Variants in PAQR5 observed in about 807,000 individuals in gnomAD.
The protein encoded by PAQR5 is membrane progestin receptor gamma.
In PAQR5, 20 loss-of-function variants were observed where a neutral mutation model predicts 34.5. The observed-to-expected ratio is 0.58, with a 90% CI of 0.41 to 0.84. The LOEUF is 0.84. Among genes scored for constraint, PAQR5 ranks in the 40% least tolerant of loss-of-function variants. PAQR5 has a pLI of 0.00. For missense variants in PAQR5, 378 were observed against 412.7 expected (o/e 0.92, Z 0.73); for synonymous variants, 131 against 155.6 (o/e 0.84, Z 1.18).
chr15:69,347,892 A>AT (rs1225803797), intron 2 of PAQR5, among the ~76,000 whole-genome samples: 8 of 152,194 alleles, frequency 5.3e-5, no homozygotes, highest in Non-Finnish European at 1.2e-4. Flanking sequence ...ATACCATAAC[A>AT]TTGGGAATTA....
At chr15:69,367,074 G>A (rs2055422994) in intron 3 of PAQR5, among the ~76,000 whole-genome samples, 1 of 152,032 alleles carries the variant, frequency 6.6e-6, no homozygotes, top group South Asian at 2.1e-4. Flanking sequence ...TTTTAGCTGT[G>A]TCTTGTGTAA....
intron 2 of PAQR5, among the ~76,000 whole-genome samples, chr15:69,353,717 G>C (rs779848108): frequency 3.9e-5 from 6 of 152,164 alleles, no homozygotes; most frequent in African/African-American, 1.4e-4. Flanking sequence ...GAGGTGGGGG[G>C]CACCACTCAC....
intron 4 of PAQR5, among the ~76,000 whole-genome samples, chr15:69,382,643 C>CA (rs142759309): frequency 4.0e-5 from 3 of 74,720 alleles, no homozygotes; most frequent in South Asian, 9.1e-4. Context: ...GACTCTGTCT[C>CA]AAAAAAAAAA....
chr15:69,316,782 G>T (rs1172505303), intron 1 of PAQR5, among the ~76,000 whole-genome samples: 2 of 152,128 alleles, frequency 1.3e-5, no homozygotes, highest in African/African-American at 4.8e-5. Flanking sequence ...AAGAGATGCT[G>T]TGAAAATTAA....
At chr15:69,399,138 C>G (rs1215778479) in intron 7 of PAQR5, among the ~76,000 whole-genome samples, 2 of 152,178 alleles carry the variant, frequency 1.3e-5, no homozygotes, top group African/African-American at 4.8e-5. Flanking sequence ...ATCATTGATA[C>G]TTTTGGATGA....
At chr15:69,387,951 C>T (rs886089704) in intron 5 of PAQR5, among the ~76,000 whole-genome samples, 1 of 152,044 alleles carries the variant, frequency 6.6e-6, no homozygotes, top group African/African-American at 2.4e-5. Context: ...GCCAGCCATG[C>T]TGGCACACCT....
chr15:69,315,382 C>A (rs561941478), intron 1 of PAQR5, among the ~76,000 whole-genome samples: 22 of 152,210 alleles, frequency 1.4e-4, no homozygotes, highest in African/African-American at 5.3e-4. Context: ...AGTGAATCCC[C>A]ACAGCACCTC....
rs1185020931 is a variant in PAQR5 at position 69,400,447 on chromosome 15, A to G, written c.751+332A>G. ...GGTGGCTCACACATGTAATCCCAGCACGTTGGGAGGCCAAGGTGGGCAGAT... is the reference window on the plus strand; with the variant it reads ...GGTGGCTCACACATGTAATCCCAGCGCGTTGGGAGGCCAAGGTGGGCAGAT... On this transcript the variant is annotated intron_variant, in intron 8 of 8. Coordinates refer to ENST00000395407, the MANE Select transcript of PAQR5 (RefSeq NM_017705.4). 2.0e-5 allele frequency among the ~76,000 whole-genome samples: 3 copies of G among 152,314 alleles called. No individual in the cohort carries two copies. In the East Asian group the frequency reaches 5.8e-4, roughly 29 times the overall value.
At chr15:69,354,597 G>A (rs1567016603) in intron 2 of PAQR5, among the ~76,000 whole-genome samples, 2 of 152,130 alleles carry the variant, frequency 1.3e-5, no homozygotes, top group Non-Finnish European at 2.9e-5. Context: ...GTTTTTATTT[G>A]GAGATTAAAT....
chr15:69,383,815 G>C (rs113822370), intron 4 of PAQR5, among the ~76,000 whole-genome samples: 3 of 29,940 alleles, frequency 1.0e-4, no homozygotes, highest in African/African-American at 5.3e-4. Context: ...GGGTGAGTGG[G>C]CCTTTGTGTT....
At chr15:69,332,931 G>A (rs12905214) in intron 1 of PAQR5, among the ~76,000 whole-genome samples, 15,551 of 151,928 alleles carry the variant, frequency 0.1, 918 homozygotes, top group South Asian at 0.16. Context: ...AATACTGGTC[G>A]CTTAGTGTTA....
intron 2 of PAQR5, among the ~76,000 whole-genome samples, chr15:69,348,934 G>A (rs1299327553): frequency 2.0e-5 from 3 of 152,156 alleles, no homozygotes; most frequent in Non-Finnish European, 4.4e-5. Context: ...ATTCTTTCTG[G>A]AATTTTCTAT....
At chr15:69,327,452 TC>T (rs2054281272) in intron 1 of PAQR5, among the ~76,000 whole-genome samples, 1 of 152,180 alleles carries the variant, frequency 6.6e-6, no homozygotes, top group East Asian at 1.9e-4. Context: ...CACATGGTCA[TC>T]CTTTCATTTG....
chr15:69,385,030 T>C lies in PAQR5; in HGVS notation c.385+148T>C. 1.6e-6 allele frequency: 1 copy of C among 633,656 alleles called. No individual in the cohort carries two copies. Among genetic ancestry groups the C allele is most frequent in the Non-Finnish European group, 2.8e-6 (1 of 357,284 alleles). 39.3% of individuals were successfully genotyped at this position (633,656 alleles called of 1,614,324 possible). On this transcript the variant is annotated intron_variant, in intron 5 of 8. Coordinates refer to ENST00000395407, the MANE Select transcript of PAQR5 (RefSeq NM_017705.4). The surrounding 1 kb of genome is among the most constrained non-coding windows in gnomAD (Gnocchi z 4.7). ...TGCCCCTGTCCAGGTTCCCAATGGG[T>C]GTTTTATAAGAAACTGTCCATAAGC...
chr15:69,332,918 A>G (rs2054419684), intron 1 of PAQR5, among the ~76,000 whole-genome samples: 1 of 152,112 alleles, frequency 6.6e-6, no homozygotes, highest in Non-Finnish European at 1.5e-5. Flanking sequence ...TTTAAAAGCC[A>G]AAAATACTGG....
rs1272045159 is a variant in PAQR5 at position 69,351,046 on chromosome 15, C to A, written c.-115-8920C>A. 4.6e-5 allele frequency among the ~76,000 whole-genome samples: 7 copies of A among 152,228 alleles called. No homozygotes were observed. In the East Asian group the frequency reaches 9.6e-4, roughly 21 times the overall value. On this transcript the variant is annotated intron_variant, in intron 2 of 8. Transcript: ENST00000395407. ...TGATCAGTGGAGTTTTAGCTCGGGT[C>A]TGACTCATGGTGGGTCCAAGGGAAT... is the stretch of plus-strand genomic sequence containing the variant.
chr15:69,391,984 G>A (rs1359376866), intron 6 of PAQR5: 1 of 389,572 alleles, frequency 2.6e-6, no homozygotes, highest in Admixed American at 3.2e-5. Context: ...TTGAACCCAG[G>A]AGGCAGAGGT....
intron 1 of PAQR5, among the ~76,000 whole-genome samples, chr15:69,323,250 C>G (rs969172736): frequency 1.1e-4 from 16 of 152,228 alleles, no homozygotes; most frequent in Admixed American, 7.2e-4. Flanking sequence ...GGCTGGCGCA[C>G]AGTGAGTGCT....
chr15:69,321,485 T>C (rs1430736084), intron 1 of PAQR5, among the ~76,000 whole-genome samples: 2 of 152,204 alleles, frequency 1.3e-5, no homozygotes, highest in Non-Finnish European at 2.9e-5. Context: ...AATGGCCCAA[T>C]AAAACACATA....
Sources: allele counts gnomAD v4.1 joint callset (sites outside exome capture counted in the v4.1 genomes callset), GRCh38; gene constraint gnomAD v4.1.1; non-coding constraint Gnocchi (gnomAD v3.1); transcripts MANE v1.5; gene names NCBI Gene and HGNC (gene_info 2026-07-23, HGNC 2026-07-21).